TRIM44: variants seen among roughly 807,000 people sequenced by gnomAD.
TRIM44 encodes the protein tripartite motif containing 44.
A neutral mutation model predicts 37.4 loss-of-function variants in TRIM44; 13 were observed. The observed-to-expected ratio is 0.35, with a 90% CI of 0.23 to 0.55. The LOEUF (loss-of-function observed/expected upper bound fraction) is 0.55. Among genes scored for constraint, TRIM44 ranks in the 20% least tolerant of loss-of-function variants. The probability of loss-of-function intolerance (pLI) is 0.89; values close to 1 mark genes in which losing one functional copy is unlikely to be tolerated. For missense variants in TRIM44, 426 were observed against 437.2 expected, an observed-to-expected ratio of 0.97 and a Z score of 0.23; for synonymous variants, 175 against 157.2, an observed-to-expected ratio of 1.11 and a Z score of -0.85.
chr11:35,707,688 G>A (rs1035664694), intron 2 of TRIM44, among the ~76,000 whole-genome samples: 8 of 147,932 alleles, frequency 5.4e-5, no homozygotes, highest in African/African-American at 1.9e-4. Flanking sequence ...AATAAATGGT[G>A]CTGGGAAAAC....
At chr11:35,690,470 A>G (rs1851626709) in intron 2 of TRIM44, among the ~76,000 whole-genome samples, 1 of 152,224 alleles carries the variant, frequency 6.6e-6, no homozygotes, top group African/African-American at 2.4e-5. Context: ...GTGTCCCATT[A>G]TTCACAAGGA....
Position 35,792,077 on chromosome 11 carries a change from AC to A in TRIM44, c.1008-14280del, listed in dbSNP as rs372499245. On this transcript the variant is annotated intron_variant, in intron 4 of 4. Coordinates refer to ENST00000299413, the MANE Select transcript of TRIM44 (RefSeq NM_017583.6). Reference sequence around the variant, plus strand: ...CCTTCCTGAGGAGTTGCCCCTACACACACACACACACACACACACACACACA... The same window carrying A: ...CCTTCCTGAGGAGTTGCCCCTACACAACACACACACACACACACACACACA... Among the ~76,000 whole-genome samples, 13 of 14,262 alleles carry A rather than the reference AC, an allele frequency of 9.1e-4. No individual in the cohort carries two copies. In the South Asian group the frequency reaches 0.11, roughly 115 times the overall value. The allele number at this position is 14,262 out of a possible 152,430, so 9.4% of individuals were successfully genotyped here.
At chr11:35,720,233 T>A (rs922415057) in intron 2 of TRIM44, among the ~76,000 whole-genome samples, 3 of 152,190 alleles carry the variant, frequency 2.0e-5, no homozygotes, top group African/African-American at 7.2e-5. Context: ...CTCTTATAGA[T>A]CTTGTACGTA....
At chr11:35,724,760 A>C (rs138675121) in intron 2 of TRIM44, among the ~76,000 whole-genome samples, 1 of 152,322 alleles carries the variant, frequency 6.6e-6, no homozygotes, top group African/African-American at 2.4e-5. Flanking sequence ...CATGATAGTA[A>C]AAGTTTAAAA....
At chr11:35,687,685 A>G (rs1255544342) in intron 2 of TRIM44, among the ~76,000 whole-genome samples, 1 of 152,180 alleles carries the variant, frequency 6.6e-6, no homozygotes, top group Non-Finnish European at 1.5e-5. Flanking sequence ...AGTGCTTCTG[A>G]TGGAAAGCTT....
rs1425570296 is a variant in TRIM44 at position 35,809,734 on chromosome 11, A to G, written c.*3349A>G. On this transcript the variant is annotated 3_prime_UTR_variant, in exon 5 of 5. Transcript: ENST00000299413. ...TTTTAGTAAACTTAGCCGCCAGTGT[A>G]CTCTGTGAGGATGTGGCAATTCAAA... 1 of 152,072 alleles carries G rather than the reference A, an allele frequency of 6.6e-6. No individual in the cohort carries two copies. The highest frequency in any genetic ancestry group is 1.5e-5 in the Non-Finnish European group (1 of 68,016). 9.4% of individuals were successfully genotyped at this position (152,072 alleles called of 1,614,324 possible).
chr11:35,693,273 C>A (rs946958301), intron 2 of TRIM44, among the ~76,000 whole-genome samples: 1 of 152,188 alleles, frequency 6.6e-6, no homozygotes, highest in African/African-American at 2.4e-5. Context: ...CTTCTCAGGC[C>A]ATATTTAGTT....
chr11:35,814,769 G>A lies in TRIM44; in HGVS notation c.*8384G>A, dbSNP rs1282049716. ...TCTCTGTCCGTCTTTTTTCTTTTAT[G>A]TAAATACTTTTGTGACTTCATTGTA... On this transcript the variant is annotated 3_prime_UTR_variant, in exon 5 of 5. Transcript: ENST00000299413. 6.6e-6 allele frequency: 1 copy of A among 152,034 alleles called. No homozygotes were observed. The highest frequency in any genetic ancestry group is 1.5e-5 in the Non-Finnish European group (1 of 68,004). 9.4% of individuals were successfully genotyped at this position (152,034 alleles called of 1,614,324 possible). A position where few individuals can be genotyped will look rare whatever the true frequency, so the allele number is the denominator to read the frequency against.
chr11:35,663,784 A>G lies in TRIM44; in HGVS notation c.669+4A>G. 1 of 1,611,754 alleles carries G rather than the reference A, an allele frequency of 6.2e-7. No individual in the cohort carries two copies. The highest frequency in any genetic ancestry group is 8.5e-7 in the Non-Finnish European group (1 of 1,179,090). On this transcript the variant is annotated splice_donor_region_variant and intron_variant, in intron 1 of 4. Transcript: ENST00000299413. ...CGAAGCCTTTGAAGAATTAAGAGTA[A>G]GTATTGGGCCTTCAGAGCATAAACC... is the stretch of plus-strand genomic sequence containing the variant.
chr11:35,808,789 C>G lies in TRIM44; in HGVS notation c.*2404C>G, dbSNP rs1853489346. ...GCCCAGGCTTCTAAGTTCCTGCCGG[C>G]AGCATTTATCAATGTAAGAACTAGG... is the stretch of plus-strand genomic sequence containing the variant. On this transcript the variant is annotated 3_prime_UTR_variant, in exon 5 of 5. Transcript: ENST00000299413. 6.6e-6 allele frequency: 1 copy of G among 152,232 alleles called. No homozygotes were observed. Among genetic ancestry groups the G allele is most frequent in the Admixed American group, 6.5e-5 (1 of 15,278 alleles). The allele number at this position is 152,232 out of a possible 1,614,324, so 9.4% of individuals were successfully genotyped here.
At chr11:35,672,588 G>T (rs1011736228) in intron 1 of TRIM44, among the ~76,000 whole-genome samples, 4 of 152,204 alleles carry the variant, frequency 2.6e-5, no homozygotes, top group Non-Finnish European at 5.9e-5. Flanking sequence ...AGAATGTTTG[G>T]TTAAGTGATA....
At chr11:35,794,235 G>A (rs1334927864) in intron 4 of TRIM44, among the ~76,000 whole-genome samples, 1 of 152,066 alleles carries the variant, frequency 6.6e-6, no homozygotes, top group Non-Finnish European at 1.5e-5. Flanking sequence ...CTCTATCTTG[G>A]CCTTGCTGAC....
Position 35,806,531 on chromosome 11 carries a change from A to C in TRIM44, c.*146A>C. On this transcript the variant is annotated 3_prime_UTR_variant, in exon 5 of 5. Coordinates refer to ENST00000299413, the MANE Select transcript of TRIM44 (RefSeq NM_017583.6). ...GTCCCCAGATCCACAGCAGGCACAT[A>C]TCTCTCCAAGGGATGACCAGTTTTA... 3 of 855,518 alleles carry C rather than the reference A, an allele frequency of 3.5e-6. No individual in the cohort carries two copies. The highest frequency in any genetic ancestry group is 5.8e-6 in the Non-Finnish European group (3 of 515,572). 53.0% of individuals were successfully genotyped at this position (855,518 alleles called of 1,614,324 possible).
chr11:35,795,503 A>C (rs1311947411), intron 4 of TRIM44, among the ~76,000 whole-genome samples: 1 of 151,904 alleles, frequency 6.6e-6, no homozygotes, highest in African/African-American at 2.4e-5. Context: ...GGATAGGGAG[A>C]TGGTGCTGCT....
rs371523399 is a variant in TRIM44 at position 35,699,905 on chromosome 11, G to C, written c.747+14569G>C. Among the ~76,000 whole-genome samples the C allele has an allele frequency of 6.6e-4, 101 of 152,152 alleles. 1 individual carries two copies. Among genetic ancestry groups the C allele is most frequent in the African/African-American group, 2.0e-3 (83 of 41,532 alleles). On this transcript the variant is annotated intron_variant, in intron 2 of 4. Transcript: ENST00000299413. Reference sequence around the variant, plus strand: ...TCCAACTTACAAGGGACGTGAAGGAGCTCTTCAAGGAGAACTACAAACCAC... The same window carrying C: ...TCCAACTTACAAGGGACGTGAAGGACCTCTTCAAGGAGAACTACAAACCAC...
At chr11:35,684,899 A>C (rs1851556705) in intron 1 of TRIM44, among the ~76,000 whole-genome samples, 2 of 152,248 alleles carry the variant, frequency 1.3e-5, no homozygotes, top group African/African-American at 4.8e-5. Flanking sequence ...TATCTGATGC[A>C]TAAAGGTTCA....
At chr11:35,742,349 T>C (rs1221845730) in intron 4 of TRIM44, among the ~76,000 whole-genome samples, 1 of 145,856 alleles carries the variant, frequency 6.9e-6, no homozygotes, top group Non-Finnish European at 1.5e-5. Context: ...AACATTTACA[T>C]ATATTATCTA....
chr11:35,695,969 G>A (rs1000289311), intron 2 of TRIM44, among the ~76,000 whole-genome samples: 10 of 149,642 alleles, frequency 6.7e-5, no homozygotes, highest in African/African-American at 9.8e-5. Flanking sequence ...GGATGCTTTC[G>A]GGGCCCTCTG....
intron 1 of TRIM44, among the ~76,000 whole-genome samples, chr11:35,669,250 C>A (rs745363200): frequency 2.2e-4 from 34 of 152,138 alleles, no homozygotes; most frequent in Non-Finnish European, 4.1e-4. Context: ...AAATTAATTT[C>A]TTGAGGTTTC....
Sources: gnomAD v4.1 joint callset for allele counts (sites outside exome capture counted in the v4.1 genomes callset) on GRCh38, gnomAD v4.1.1 for gene constraint, MANE v1.5 for transcripts, NCBI Gene and HGNC (gene_info 2026-07-23, HGNC 2026-07-21) for gene names.